IFNAR1: variants seen among roughly 807,000 people sequenced by gnomAD.
IFNAR1 encodes interferon alpha/beta receptor 1.
Under a neutral mutation model 62.1 loss-of-function variants are expected in IFNAR1, and 47 were observed. The observed-to-expected ratio is 0.76, with a 90% confidence interval of 0.60 to 0.97. The LOEUF (loss-of-function observed/expected upper bound fraction) is 0.97, where lower values mean the gene tolerates loss of function less well. IFNAR1 is among the 50% of genes least tolerant of loss of function. The pLI is 0.00. For synonymous variants in IFNAR1, 219 were observed against 226.9 expected (o/e 0.97, Z 0.31); for missense variants, 638 against 654.5 (o/e 0.97, Z 0.27).
At chr21:33,329,981 A>G (rs1438176867) in intron 1 of IFNAR1, among the ~76,000 whole-genome samples, 1 of 152,210 alleles carries the variant, frequency 6.6e-6, no homozygotes, top group Admixed American at 6.5e-5. Context: ...ACTATTTTGG[A>G]ACTCTGGAGT....
intron 2 of IFNAR1, among the ~76,000 whole-genome samples, chr21:33,340,241 G>A (rs1390399378): frequency 6.6e-6 from 1 of 152,036 alleles, no homozygotes; most frequent in Non-Finnish European, 1.5e-5. Flanking sequence ...TTTGGAGAGG[G>A]CAGAGGAAAC....
chr21:33,351,230 G>A (rs2083394147), intron 8 of IFNAR1, among the ~76,000 whole-genome samples: 1 of 152,206 alleles, frequency 6.6e-6, no homozygotes, highest in African/African-American at 2.4e-5. Flanking sequence ...ACTTGGGACG[G>A]TGACTTCTTC....
chr21:33,342,922 T>C (rs1361224734), intron 3 of IFNAR1, among the ~76,000 whole-genome samples: 1 of 148,844 alleles, frequency 6.7e-6, no homozygotes, highest in Non-Finnish European at 1.5e-5. Flanking sequence ...CCAAGCAAAT[T>C]CCCAGTCCTC....
Position 33,355,675 on chromosome 21 carries a change from T to C in IFNAR1, c.*126T>C. ...CCTGTTTAGGGAAAGAAAAAACATC[T>C]TCAGATCATAGGTCCTAAAAATACG... On this transcript the variant is annotated 3_prime_UTR_variant, in exon 11 of 11. Coordinates refer to ENST00000270139, the MANE Select transcript of IFNAR1 (RefSeq NM_000629.3). 1 of 541,646 alleles carries C rather than the reference T, an allele frequency of 1.8e-6. No homozygotes were observed. The highest frequency in any genetic ancestry group is 3.1e-5 in the East Asian group (1 of 31,748). 33.6% of individuals were successfully genotyped at this position (541,646 alleles called of 1,614,324 possible). A position where few individuals can be genotyped will look rare whatever the true frequency, so the allele number is the denominator to read the frequency against.
intron 10 of IFNAR1, among the ~76,000 whole-genome samples, chr21:33,354,126 T>C (rs994952114): frequency 6.6e-6 from 1 of 152,218 alleles, no homozygotes; most frequent in African/African-American, 2.4e-5. Flanking sequence ...GTGGGTCACT[T>C]GAGGTCAGGA....
chr21:33,345,176 T>A, intron 5 of IFNAR1, 70 bp from the exon 6 acceptor site: 2 of 762,056 alleles, frequency 2.6e-6, no homozygotes, highest in Non-Finnish European at 4.6e-6. Flanking sequence ...ATGCGAGCCT[T>A]TATCTTCTTG....
intron 1 of IFNAR1, among the ~76,000 whole-genome samples, chr21:33,329,372 G>C (rs192194975): frequency 5.9e-5 from 9 of 152,228 alleles, no homozygotes; most frequent in Non-Finnish European, 1.0e-4. Context: ...GGGATAAGGG[G>C]ATGTGATGTA....
At chr21:33,340,131 C>CA (rs1195369568) in intron 2 of IFNAR1, among the ~76,000 whole-genome samples, 1 of 151,698 alleles carries the variant, frequency 6.6e-6, no homozygotes, top group East Asian at 1.9e-4. Flanking sequence ...GTTCCACTTC[C>CA]AAAAATTTAT....
At chr21:33,337,850 A>G (rs2083257848) in intron 2 of IFNAR1, among the ~76,000 whole-genome samples, 1 of 152,056 alleles carries the variant, frequency 6.6e-6, no homozygotes, top group Non-Finnish European at 1.5e-5. Context: ...AAAATTTTTT[A>G]TCTCTAGAGA....
chr21:33,331,673 A>C (rs2083182539), intron 1 of IFNAR1, among the ~76,000 whole-genome samples: 1 of 152,076 alleles, frequency 6.6e-6, no homozygotes, highest in Non-Finnish European at 1.5e-5. Flanking sequence ...TTGGCCTCAC[A>C]GTCTGGGGTA....
chr21:33,330,241 G>A (rs1405548829), intron 1 of IFNAR1, among the ~76,000 whole-genome samples: 1 of 152,126 alleles, frequency 6.6e-6, no homozygotes, highest in African/African-American at 2.4e-5. Flanking sequence ...CGTCACAAAA[G>A]CGCAAAGAGA....
intron 1 of IFNAR1, among the ~76,000 whole-genome samples, chr21:33,329,662 G>T (rs2083157995): frequency 6.6e-6 from 1 of 152,144 alleles, no homozygotes; most frequent in Non-Finnish European, 1.5e-5. Flanking sequence ...AACCATAAAT[G>T]AATTTAAAAG....
chr21:33,346,259 G>T lies in IFNAR1; in HGVS notation c.788+899G>T, dbSNP rs187102960. Among the ~76,000 whole-genome samples, 6 of 152,304 alleles carry T rather than the reference G, an allele frequency of 3.9e-5. No individual in the cohort carries two copies. In the East Asian group the frequency reaches 1.2e-3, roughly 29 times the overall value. ...ATGGAAAGAAAGATATACATTGGTG[G>T]CAGAGGAGTAGAGAGAGCAAAGGCA... On this transcript the variant is annotated intron_variant, in intron 6 of 10. Coordinates refer to ENST00000270139, the MANE Select transcript of IFNAR1 (RefSeq NM_000629.3).
In IFNAR1 at chr21:33,357,242, A is replaced by T. The variant is rs759962711; in HGVS notation, c.*1693A>T. 6.6e-6 allele frequency: 1 copy of T among 152,246 alleles called. No individual in the cohort carries two copies. The highest frequency in any genetic ancestry group is 1.5e-5 in the Non-Finnish European group (1 of 68,066). 9.4% of individuals were successfully genotyped at this position (152,246 alleles called of 1,614,324 possible). The stretch of plus-strand genomic sequence containing the variant: ...CTGGGGAGCGGCCATTTCTAAGGCC[A>T]GTCTGGTTTAAGTAGTCATTTCTGC... On this transcript the variant is annotated 3_prime_UTR_variant, in exon 11 of 11. Coordinates refer to ENST00000270139, the MANE Select transcript of IFNAR1 (RefSeq NM_000629.3).
chr21:33,329,200 C>T (rs17875772), intron 1 of IFNAR1, among the ~76,000 whole-genome samples: 1 of 151,976 alleles, frequency 6.6e-6, no homozygotes, highest in African/African-American at 2.4e-5. Flanking sequence ...GTCTCAAGGC[C>T]CAAAATTACT....
intron 2 of IFNAR1, among the ~76,000 whole-genome samples, chr21:33,336,727 A>G (rs918690721): frequency 2.7e-5 from 4 of 147,952 alleles, no homozygotes; most frequent in Non-Finnish European, 4.5e-5. Flanking sequence ...ATGATATACT[A>G]TATTTTAATT....
Position 33,353,693 on chromosome 21 carries a change from C to A in IFNAR1, c.1350C>A (p.Leu450=). 1.3e-6 allele frequency: 2 copies of A among 1,583,556 alleles called. No individual in the cohort carries two copies. Among genetic ancestry groups the A allele is most frequent in the Admixed American group, 1.9e-5 (1 of 52,244 alleles). ...IVGICIALFA[L]PFVIYAAKVF... ...GAATTTGTATTGCATTATTTGCTCT[C>A]CCGTTTGTCATTTATGCTGCGAAAG... Residue 450 remains leucine, a synonymous_variant, in exon 10 of 11, where the codon CTC becomes CTA. Coordinates refer to ENST00000270139, the MANE Select transcript of IFNAR1 (RefSeq NM_000629.3).
In IFNAR1 at chr21:33,359,492, T is replaced by A. The variant is rs2083479817; in HGVS notation, c.*3943T>A. The A allele has an allele frequency of 6.6e-6, 1 of 152,234 alleles. No homozygotes were observed. Among genetic ancestry groups the A allele is most frequent in the Non-Finnish European group, 1.5e-5 (1 of 68,062 alleles). The allele number at this position is 152,234 out of a possible 1,614,324, so 9.4% of individuals were successfully genotyped here. A position where few individuals can be genotyped will look rare whatever the true frequency, so the allele number is the denominator to read the frequency against. The stretch of plus-strand genomic sequence containing the variant: ...AGAGCCTGTGGAGATAGAGCCTGTT[T>A]GCTGCTTTTTCTTCCCGCTCTTAAG... On this transcript the variant is annotated 3_prime_UTR_variant, in exon 11 of 11. Coordinates refer to ENST00000270139, the MANE Select transcript of IFNAR1 (RefSeq NM_000629.3).
chr21:33,358,845 A>G lies in IFNAR1; in HGVS notation c.*3296A>G, dbSNP rs919944220. 10 of 151,792 alleles carry G rather than the reference A, an allele frequency of 6.6e-5. No homozygotes were observed. Among genetic ancestry groups the G allele is most frequent in the Non-Finnish European group, 1.2e-4 (8 of 67,992 alleles). 9.4% of individuals were successfully genotyped at this position (151,792 alleles called of 1,614,324 possible). On this transcript the variant is annotated 3_prime_UTR_variant, in exon 11 of 11. Transcript: ENST00000270139. ...ATGGCCAGACCCCATCTCTATTTATATATATATATATAAAACTTAGAGTTT... is the reference window on the plus strand; with the variant it reads ...ATGGCCAGACCCCATCTCTATTTATGTATATATATATAAAACTTAGAGTTT...
Sources: allele counts gnomAD v4.1 joint callset (sites outside exome capture counted in the v4.1 genomes callset), GRCh38; gene constraint gnomAD v4.1.1; transcripts MANE v1.5; gene names NCBI Gene and HGNC (gene_info 2026-07-23, HGNC 2026-07-21).